NAA60: variants seen among roughly 807,000 people sequenced by gnomAD.
NAA60 encodes N-alpha-acetyltransferase 60, NatF catalytic subunit, also known as N-alpha-acetyltransferase 60.
Under a neutral mutation model 26.1 loss-of-function variants are expected in NAA60, and 8 were observed. That is an observed-to-expected ratio of 0.31 (90% CI 0.18 to 0.55). NAA60 has a LOEUF of 0.55. NAA60 is among the 20% of genes least tolerant of loss of function. The probability of loss-of-function intolerance (pLI) is 0.93; values close to 1 mark genes in which losing one functional copy is unlikely to be tolerated. For synonymous variants in NAA60, 131 were observed against 122.5 expected, an observed-to-expected ratio of 1.07 and a Z score of -0.46; for missense variants, 290 against 311.3, an observed-to-expected ratio of 0.93 and a Z score of 0.51.
At chr16:3,457,903 G>GCCTGCCCGCTCCCAA (rs17525862) in intron 2 of NAA60, 446 of 904,630 alleles carry the variant, frequency 4.9e-4, no homozygotes, top group Middle Eastern at 2.3e-3. Flanking sequence ...TTCGCACGGA[G>GCCTGCCCGCTCCCAA]CCTGCCCGCT....
chr16:3,482,850 C>T (rs576249539), intron 5 of NAA60: 6 of 561,474 alleles, frequency 1.1e-5, no homozygotes, highest in South Asian at 8.1e-5. Flanking sequence ...CCTCGCTCAG[C>T]CCCCAGGATG....
At chr16:3,476,168 G>C in intron 2 of NAA60, 54 bp from the exon 3 acceptor site, 1 of 1,387,604 alleles carries the variant, frequency 7.2e-7, no homozygotes, top group Non-Finnish European at 1.0e-6. Flanking sequence ...CACAAGCTGA[G>C]CATGAGGAAG....
intron 1 of NAA60, among the ~76,000 whole-genome samples, chr16:3,445,597 A>G (rs767936465): frequency 2.0e-5 from 3 of 152,028 alleles, no homozygotes; most frequent in Non-Finnish European, 2.9e-5. Flanking sequence ...TTCTTACATC[A>G]GCACTGTCTC....
chr16:3,481,005 C>G (rs939127990), intron 4 of NAA60, among the ~76,000 whole-genome samples: 4 of 152,200 alleles, frequency 2.6e-5, no homozygotes, highest in African/African-American at 9.7e-5. Flanking sequence ...CATACTCTGT[C>G]TGGCACAGCT....
At chr16:3,482,930 G>A (rs906678849) in intron 5 of NAA60, 7 of 491,068 alleles carry the variant, frequency 1.4e-5, no homozygotes, top group African/African-American at 1.2e-4. Flanking sequence ...CACTGCTCAC[G>A]ATTCAGAGTA....
chr16:3,452,261 A>G (rs974264878), intron 2 of NAA60, among the ~76,000 whole-genome samples: 5 of 152,028 alleles, frequency 3.3e-5, no homozygotes, highest in Admixed American at 6.6e-5. Flanking sequence ...GCTGCGGGCC[A>G]TTTGCCCTGC....
At chr16:3,463,115 C>T (rs1339510595) in intron 2 of NAA60, among the ~76,000 whole-genome samples, 3 of 152,058 alleles carry the variant, frequency 2.0e-5, no homozygotes, top group Non-Finnish European at 4.4e-5. Context: ...CATGCTACTC[C>T]AAGGCACAGA....
chr16:3,485,410 G>C (rs1185396983), intron 7 of NAA60, 57 bp from the exon 8 acceptor site: 1 of 463,118 alleles, frequency 2.2e-6, no homozygotes, highest in Non-Finnish European at 4.3e-6. Flanking sequence ...AGGGTGTGGG[G>C]TGGGCAGAGT....
At chr16:3,463,175 C>G (rs577858564) in intron 2 of NAA60, among the ~76,000 whole-genome samples, 1 of 152,072 alleles carries the variant, frequency 6.6e-6, no homozygotes, top group Non-Finnish European at 1.5e-5. Flanking sequence ...GGTAACACTA[C>G]TCATAATTTG....
intron 1 of NAA60, chr16:3,447,395 A>G (rs939293621): frequency 1.2e-6 from 1 of 861,950 alleles, no homozygotes; most frequent in Non-Finnish European, 1.4e-6. Context: ...AATCACTTCA[A>G]GGTAAATGGG....
At chr16:3,472,450 T>G (rs1451073598) in intron 2 of NAA60, 1 of 152,236 alleles carries the variant, frequency 6.6e-6, no homozygotes. Context: ...AGAATCTCAC[T>G]CTATCGCCCA....
intron 1 of NAA60, among the ~76,000 whole-genome samples, chr16:3,446,392 G>A (rs542569893): frequency 1.8e-4 from 28 of 151,790 alleles, no homozygotes; most frequent in African/African-American, 6.5e-4. Context: ...TTAGCCAGGC[G>A]TGGTAGCGGG....
intron 5 of NAA60, 46 bp downstream of exon 5, chr16:3,482,644 G>GGCCCCC: frequency 8.6e-7 from 1 of 1,161,058 alleles, no homozygotes; most frequent in Non-Finnish European, 1.1e-6. Context: ...CCACCCCCTT[G>GGCCCCC]CCCTACCCCA....
At chr16:3,454,645 A>G (rs534181472) in intron 2 of NAA60, among the ~76,000 whole-genome samples, 37 of 152,316 alleles carry the variant, frequency 2.4e-4, no homozygotes, top group Admixed American at 4.6e-4. Context: ...GAGAGAGAGA[A>G]AGGAACCATG....
chr16:3,472,402 T>G (rs939465172), intron 2 of NAA60: 32 of 152,270 alleles, frequency 2.1e-4, no homozygotes, highest in African/African-American at 7.7e-4. Flanking sequence ...TTTCTTTAGC[T>G]TTTTGTTTTT....
At chr16:3,478,141 C>G in intron 3 of NAA60, among the ~76,000 whole-genome samples, 1 of 152,086 alleles carries the variant, frequency 6.6e-6, no homozygotes, top group African/African-American at 2.4e-5. Context: ...GAGGCTGAGG[C>G]AGGAGAATCA....
intron 2 of NAA60, among the ~76,000 whole-genome samples, chr16:3,475,073 ACCCAGCCTTCCAT>A (rs1372021953): frequency 6.9e-6 from 1 of 144,986 alleles, no homozygotes; most frequent in Admixed American, 6.9e-5. Context: ...GAGCCACCAC[ACCCAGCCTTCCAT>A]CCTTTCCTTT....
intron 2 of NAA60, among the ~76,000 whole-genome samples, chr16:3,466,306 G>A (rs538915300): frequency 5.4e-4 from 83 of 152,326 alleles, no homozygotes; most frequent in Non-Finnish European, 9.6e-4. Context: ...GAGGCTGTTT[G>A]GAAATAGAGT....
rs948714688 is a variant in NAA60 at position 3,486,266 on chromosome 16, T to A, written c.*1006T>A. The A allele has an allele frequency of 4.6e-5, 7 of 153,454 alleles. No homozygotes were observed. Among genetic ancestry groups the A allele is most frequent in the African/African-American group, 1.7e-4 (7 of 41,470 alleles). 9.5% of individuals were successfully genotyped at this position (153,454 alleles called of 1,614,324 possible). A position where few individuals can be genotyped will look rare whatever the true frequency, so the allele number is the denominator to read the frequency against. The stretch of plus-strand genomic sequence containing the variant: ...CATACTTCTAGCATCCTCTCCACCC[T>A]GCATTCCAAATGCTGCTTGCTGCCT... On this transcript the variant is annotated 3_prime_UTR_variant, in exon 8 of 8. Transcript: ENST00000407558.
Sources: gnomAD v4.1 joint callset for allele counts (sites outside exome capture counted in the v4.1 genomes callset) on GRCh38, gnomAD v4.1.1 for gene constraint, MANE v1.5 for transcripts, NCBI Gene and HGNC (gene_info 2026-07-23, HGNC 2026-07-21) for gene names.